Variants in SEMA3A observed in about 807,000 individuals in gnomAD.
SEMA3A encodes semaphorin-3A.
In SEMA3A, 29 loss-of-function variants were observed where a neutral mutation model predicts 97.9. The ratio of observed to expected loss-of-function variants is 0.30; its 90% confidence interval spans 0.22 to 0.40. The LOEUF (loss-of-function observed/expected upper bound fraction) is 0.40. Ranked by LOEUF, SEMA3A falls within the 10% of genes least tolerant of loss-of-function variation. SEMA3A has a pLI of 1.00. For synonymous variants in SEMA3A, 321 were observed against 323.7 expected (o/e 0.99, Z 0.09); for missense variants, 763 against 951.3 (o/e 0.80, Z 2.60).
At chr7:84,007,743 G>A (rs1381080553) in intron 9 of SEMA3A, among the ~76,000 whole-genome samples, 3 of 152,028 alleles carry the variant, frequency 2.0e-5, no homozygotes, top group Non-Finnish European at 4.4e-5. Flanking sequence ...TGGAATATAC[G>A]CCTTCATATG....
intron 3 of SEMA3A, among the ~76,000 whole-genome samples, chr7:84,278,682 AG>A (rs1218194386): frequency 6.6e-6 from 1 of 152,092 alleles, no homozygotes; most frequent in Non-Finnish European, 1.5e-5. Context: ...TGGTGAAAAC[AG>A]GATAAAATGA....
intron 6 of SEMA3A, among the ~76,000 whole-genome samples, chr7:84,020,412 C>T (rs922916497): frequency 6.6e-6 from 1 of 151,070 alleles, no homozygotes; most frequent in African/African-American, 2.4e-5. Context: ...TTTCATCAAG[C>T]TATGTCAACT....
intron 3 of SEMA3A, among the ~76,000 whole-genome samples, chr7:84,287,721 T>C (rs934539809): frequency 1.3e-5 from 2 of 152,162 alleles, no homozygotes; most frequent in East Asian, 1.9e-4. Context: ...TTCTGTTCAG[T>C]GTACCATTGT....
chr7:84,220,313 C>T (rs1798847041), intron 3 of SEMA3A, among the ~76,000 whole-genome samples: 1 of 152,096 alleles, frequency 6.6e-6, no homozygotes, highest in Admixed American at 6.6e-5. Flanking sequence ...TTCACCACCC[C>T]TGCAATTATT....
intron 1 of SEMA3A, among the ~76,000 whole-genome samples, chr7:84,384,742 C>T (rs535668642): frequency 1.3e-5 from 2 of 152,290 alleles, no homozygotes; most frequent in East Asian, 1.9e-4. Context: ...TTGAAATTTA[C>T]ACTCATGTTC....
At position 84,168,373 on chromosome 7, in the gene SEMA3A, G is replaced by A. The variant is rs139059018; in HGVS notation, c.112+26102C>T. Among the ~76,000 whole-genome samples, 176 of 152,086 alleles carry A rather than the reference G, an allele frequency of 1.2e-3. 1 individual carries two copies. The East Asian group carries it at 0.013, about 11-fold the overall frequency. On this transcript the variant is annotated intron_variant, in intron 1 of 16. Transcript: ENST00000265362. The stretch of plus-strand genomic sequence containing the variant: ...TTGTTCTGTTTGCAGCCCACATGCT[G>A]AGATAACAATTTATTTTCTATTGTT...
Position 84,142,869 on chromosome 7 carries a change from C to T in SEMA3A, c.113-7918G>A, listed in dbSNP as rs559285784. Among the ~76,000 whole-genome samples, 196 of 152,258 alleles carry T rather than the reference C, an allele frequency of 1.3e-3. 1 individual carries two copies. The highest frequency in any genetic ancestry group is 4.5e-3 in the African/African-American group (186 of 41,558). On this transcript the variant is annotated intron_variant, in intron 1 of 16. Transcript: ENST00000265362. ...CATCTCAGAGTCCGCATGACTTAAA[C>T]AGAATTCACTCCTTTTTCTTCTTTC...
Position 83,961,986 on chromosome 7 carries a change from G to A in SEMA3A, c.1861-160C>T, listed in dbSNP as rs578010211. Among the ~76,000 whole-genome samples, 17 of 152,104 alleles carry A rather than the reference G, an allele frequency of 1.1e-4. No homozygotes were observed. The South Asian group carries it at 3.3e-3, about 30-fold the overall frequency. ...GAGAAGTGATAGCATTTTCCCATTA[G>A]GAGAATTATAATATCTGTCAATTGT... On this transcript the variant is annotated intron_variant, in intron 16 of 16. Transcript: ENST00000265362.
chr7:84,392,314 T>G (rs1463531306), intron 1 of SEMA3A, among the ~76,000 whole-genome samples: 1 of 152,176 alleles, frequency 6.6e-6, no homozygotes, highest in East Asian at 1.9e-4. Flanking sequence ...AGTGAGAAAC[T>G]TGTGATATTT....
chr7:84,323,047 TA>T (rs1314129167), intron 2 of SEMA3A, among the ~76,000 whole-genome samples: 1 of 152,212 alleles, frequency 6.6e-6, no homozygotes, highest in African/African-American at 2.4e-5. Flanking sequence ...GTGAGGAAAA[TA>T]ATAGTATACC....
chr7:84,429,516 T>TATATATATATATATATATATATATA (rs1554385262), intron 1 of SEMA3A, among the ~76,000 whole-genome samples: 1 of 72,420 alleles, frequency 1.4e-5, no homozygotes, highest in African/African-American at 7.1e-5. Context: ...ATAGAGTTTG[T>TATATATATATATATATATATATATA]TATATATATA....
chr7:84,453,770 A>C (rs1805622008), intron 1 of SEMA3A, among the ~76,000 whole-genome samples: 1 of 152,186 alleles, frequency 6.6e-6, no homozygotes, highest in African/African-American at 2.4e-5. Context: ...TCTTTGCAAA[A>C]AAAACTTGTG....
intron 1 of SEMA3A, among the ~76,000 whole-genome samples, chr7:84,389,528 A>C (rs886597666): frequency 1.3e-5 from 2 of 152,070 alleles, no homozygotes; most frequent in Non-Finnish European, 2.9e-5. Context: ...GCTGGTAGGG[A>C]AACAATTCAC....
intron 12 of SEMA3A, among the ~76,000 whole-genome samples, chr7:83,990,352 G>T (rs1789850077): frequency 6.6e-6 from 1 of 151,968 alleles, no homozygotes; most frequent in East Asian, 1.9e-4. Context: ...TTTGGCTTTT[G>T]TTGCCATGGC....
intron 1 of SEMA3A, among the ~76,000 whole-genome samples, chr7:84,454,118 G>A (rs1805630235): frequency 6.6e-6 from 1 of 152,158 alleles, no homozygotes; most frequent in Admixed American, 6.5e-5. Context: ...TATATTCAAA[G>A]TGTTAAGGCA....
chr7:83,983,080 TA>T (rs1789481798), intron 13 of SEMA3A, among the ~76,000 whole-genome samples: 1 of 152,070 alleles, frequency 6.6e-6, no homozygotes, highest in Non-Finnish European at 1.5e-5. Flanking sequence ...ATTCAACTTT[TA>T]TTATAGTATT....
chr7:84,349,817 CT>C (rs1442844920), intron 2 of SEMA3A, among the ~76,000 whole-genome samples: 1 of 151,848 alleles, frequency 6.6e-6, no homozygotes, highest in Non-Finnish European at 1.5e-5. Context: ...TTTTTTTCCA[CT>C]TTTTCAGTAT....
intron 1 of SEMA3A, among the ~76,000 whole-genome samples, chr7:84,491,592 G>A (rs1220381032): frequency 1.3e-5 from 2 of 152,066 alleles, no homozygotes. Context: ...CAGTTAGCCT[G>A]TTAACACAAT....
At chr7:84,315,042 T>A (rs1801460559) in intron 2 of SEMA3A, among the ~76,000 whole-genome samples, 1 of 152,164 alleles carries the variant, frequency 6.6e-6, no homozygotes, top group African/African-American at 2.4e-5. Context: ...CTACGAATAA[T>A]TTTCTACTCA....
Sources: gnomAD v4.1 joint callset for allele counts (sites outside exome capture counted in the v4.1 genomes callset) on GRCh38, gnomAD v4.1.1 for gene constraint, MANE v1.5 for transcripts, NCBI Gene and HGNC (gene_info 2026-07-23, HGNC 2026-07-21) for gene names.